EFR3A: variants seen among roughly 807,000 people sequenced by gnomAD.
The protein encoded by EFR3A is EFR3 homolog A.
EFR3A carries 76 observed loss-of-function variants against 104.4 expected under a neutral mutation model. That is an observed-to-expected ratio of 0.73 (90% CI 0.60 to 0.88). The LOEUF (loss-of-function observed/expected upper bound fraction) is 0.88. EFR3A is among the 40% of genes least tolerant of loss of function. The probability of loss-of-function intolerance (pLI) is 0.00; values close to 1 mark genes in which losing one functional copy is unlikely to be tolerated. For missense variants in EFR3A, 985 were observed against 1,012.5 expected, an observed-to-expected ratio of 0.97 and a Z score of 0.37; for synonymous variants, 330 against 330.0, an observed-to-expected ratio of 1.00 and a Z score of 0.00.
intron 3 of EFR3A, among the ~76,000 whole-genome samples, chr8:131,945,428 T>G (rs562248611): frequency 6.6e-6 from 1 of 152,124 alleles, no homozygotes; most frequent in South Asian, 2.1e-4. Flanking sequence ...CAATAATAAC[T>G]TTGCAATTTG....
chr8:131,967,945 C>G (rs1586622241), intron 8 of EFR3A, among the ~76,000 whole-genome samples: 1 of 151,986 alleles, frequency 6.6e-6, no homozygotes. Flanking sequence ...TTTGAAATTA[C>G]AGAGAAATAT....
In EFR3A at chr8:131,996,410, A is replaced by G. The variant is rs760307761; in HGVS notation, c.2070A>G (p.Glu690=). Residue 690 remains glutamate (E), a synonymous_variant, in exon 19 of 23, where the codon GAA becomes GAG. Coordinates refer to ENST00000254624, the MANE Select transcript of EFR3A (RefSeq NM_015137.6). ...SVPYVPQVTD[E]DRLSRRKSIV... ...AAGAAAACAATTTTATTTTAGATGA[A>G]GATCGACTTTCTAGAAGAAAAAGCA... 6.3e-7 allele frequency: 1 copy of G among 1,575,326 alleles called. No homozygotes were observed. The highest frequency in any genetic ancestry group is 1.2e-5 in the South Asian group (1 of 84,132).
intron 1 of EFR3A, among the ~76,000 whole-genome samples, chr8:131,911,991 G>T (rs1321294921): frequency 5.3e-5 from 8 of 152,130 alleles, no homozygotes; most frequent in Non-Finnish European, 7.4e-5. Context: ...GACTGGGTTT[G>T]GGGAAAAAGG....
rs578137152 is a variant in EFR3A at position 131,979,274 on chromosome 8, A to G, written c.1500-72A>G. The G allele has an allele frequency of 1.9e-4, 237 of 1,225,320 alleles. 5 individuals carry two copies. In the South Asian group the frequency reaches 2.7e-3, roughly 14 times the overall value. The allele number at this position is 1,225,320 out of a possible 1,614,324, so 75.9% of individuals were successfully genotyped here. On this transcript the variant is annotated intron_variant, in intron 13 of 22. Coordinates refer to ENST00000254624, the MANE Select transcript of EFR3A (RefSeq NM_015137.6). ...TATCAAACTCCTAAGTATAAATACA[A>G]TTTTCCATATAAGATGTGATATTGT...
intron 8 of EFR3A, among the ~76,000 whole-genome samples, chr8:131,964,228 C>T (rs1819564603): frequency 6.6e-6 from 1 of 151,278 alleles, no homozygotes; most frequent in Non-Finnish European, 1.5e-5. Context: ...CCAGGGCAAT[C>T]AGGCAGGAGA....
chr8:131,964,810 A>T (rs1488366112), intron 8 of EFR3A, among the ~76,000 whole-genome samples: 3 of 152,212 alleles, frequency 2.0e-5, no homozygotes, highest in African/African-American at 7.2e-5. Flanking sequence ...ACCTGACTTC[A>T]AATTGTACTA....
intron 6 of EFR3A, among the ~76,000 whole-genome samples, chr8:131,955,341 T>C (rs1379615429): frequency 1.3e-5 from 2 of 152,180 alleles, no homozygotes; most frequent in Non-Finnish European, 2.9e-5. Flanking sequence ...ATATTCTAGT[T>C]AGCTTTTAAA....
chr8:131,954,830 A>G (rs1407375121), intron 6 of EFR3A, among the ~76,000 whole-genome samples: 1 of 151,960 alleles, frequency 6.6e-6, no homozygotes, highest in African/African-American at 2.4e-5. Flanking sequence ...TTTAGTGATT[A>G]TATGTGTAAT....
In EFR3A at chr8:131,940,496, C is replaced by T; in HGVS notation, c.11-3C>T. ...TATTTCTTGATTTTTTTTTTTTTAA[C>T]AGGAGTATGCTGCTGCTGTTCCGCT... On this transcript the variant is annotated splice_polypyrimidine_tract_variant and splice_region_variant and intron_variant, in intron 1 of 22. Coordinates refer to ENST00000254624, the MANE Select transcript of EFR3A (RefSeq NM_015137.6). The T allele has an allele frequency of 6.4e-7, 1 of 1,560,086 alleles. No individual in the cohort carries two copies.
At chr8:131,982,372 A>G (rs1156378532) in intron 14 of EFR3A, among the ~76,000 whole-genome samples, 1 of 152,078 alleles carries the variant, frequency 6.6e-6, no homozygotes, top group Non-Finnish European at 1.5e-5. Flanking sequence ...TGAATATACC[A>G]CAAGTTTTCT....
At chr8:131,911,048 T>G (rs1366978908) in intron 1 of EFR3A, among the ~76,000 whole-genome samples, 2 of 152,128 alleles carry the variant, frequency 1.3e-5, no homozygotes, top group African/African-American at 4.8e-5. Flanking sequence ...TTTGAGAATC[T>G]GATGAAAGCC....
At chr8:131,985,100 CAA>C (rs1469597450) in intron 16 of EFR3A, 40 bp downstream of exon 16, 1 of 1,560,624 alleles carries the variant, frequency 6.4e-7, no homozygotes, top group Admixed American at 1.8e-5. Flanking sequence ...GAATTTTGTA[CAA>C]AATTGCTAAT....
At chr8:131,989,127 C>G (rs1277579352) in intron 18 of EFR3A, among the ~76,000 whole-genome samples, 1 of 152,116 alleles carries the variant, frequency 6.6e-6, no homozygotes, top group East Asian at 1.9e-4. Context: ...AGAAATCCTA[C>G]TAGATTTTTC....
At chr8:131,948,524 G>T (rs1393307064) in intron 4 of EFR3A, among the ~76,000 whole-genome samples, 1 of 152,140 alleles carries the variant, frequency 6.6e-6, no homozygotes, top group African/African-American at 2.4e-5. Context: ...GCATTTAGAT[G>T]ATGTGACAAG....
chr8:131,999,968 A>G lies in EFR3A; in HGVS notation c.2158-1791A>G, dbSNP rs905636311. On this transcript the variant is annotated intron_variant, in intron 19 of 22. Transcript: ENST00000254624. ...TCCACAGTTGATGGAATGAGGATCT[A>G]GAGTAGCCAGGCTGGAGGTAACAAA... 2.6e-5 allele frequency among the ~76,000 whole-genome samples: 4 copies of G among 152,170 alleles called. No individual in the cohort carries two copies. In the South Asian group the frequency reaches 6.2e-4, roughly 24 times the overall value.
At chr8:131,919,425 G>T (rs1473245859) in intron 1 of EFR3A, among the ~76,000 whole-genome samples, 1 of 151,710 alleles carries the variant, frequency 6.6e-6, no homozygotes, top group Non-Finnish European at 1.5e-5. Context: ...GTGAAACCCC[G>T]TCTCTACTAA....
chr8:131,946,321 T>C (rs112706274), intron 3 of EFR3A, among the ~76,000 whole-genome samples, 162 bp from the exon 4 acceptor site: 12 of 152,136 alleles, frequency 7.9e-5, no homozygotes, highest in Non-Finnish European at 4.4e-5. Flanking sequence ...CTACAAGATA[T>C]TAGTGCTGTG....
At chr8:132,005,690 CATA>C (rs1379978977) in intron 22 of EFR3A, among the ~76,000 whole-genome samples, 13 of 152,140 alleles carry the variant, frequency 8.5e-5, no homozygotes, top group African/African-American at 3.1e-4. Context: ...ATGTTCCTCT[CATA>C]AGAGTACTAA....
intron 22 of EFR3A, among the ~76,000 whole-genome samples, chr8:132,004,083 G>C (rs1337446230): frequency 6.6e-6 from 1 of 152,002 alleles, no homozygotes; most frequent in Non-Finnish European, 1.5e-5. Flanking sequence ...TTTTGTTTCA[G>C]TCTTTTTTCT....
Sources: gnomAD v4.1 joint callset for allele counts (sites outside exome capture counted in the v4.1 genomes callset) on GRCh38, gnomAD v4.1.1 for gene constraint, MANE v1.5 for transcripts, NCBI Gene and HGNC (gene_info 2026-07-23, HGNC 2026-07-21) for gene names.